THSD4: variants seen among roughly 807,000 people sequenced by gnomAD.
The protein encoded by THSD4 is thrombospondin type 1 domain containing 4.
Under a neutral mutation model 119.0 loss-of-function variants are expected in THSD4, and 69 were observed. That is an observed-to-expected ratio of 0.58 (90% CI 0.48 to 0.71). The LOEUF (loss-of-function observed/expected upper bound fraction) is 0.71, where lower values mean the gene tolerates loss of function less well. Ranked by LOEUF, THSD4 falls within the 30% of genes least tolerant of loss-of-function variation. THSD4 has a pLI of 0.00. For missense variants in THSD4, 1,393 were observed against 1,391.1 expected (o/e 1.00, Z -0.02); for synonymous variants, 524 against 540.4 (o/e 0.97, Z 0.42).
At chr15:71,633,629 C>T (rs1031947666) in intron 7 of THSD4, among the ~76,000 whole-genome samples, 1 of 152,192 alleles carries the variant, frequency 6.6e-6, no homozygotes, top group Admixed American at 6.5e-5. Context: ...ACATACAGCT[C>T]AAATGGATAT....
intron 7 of THSD4, among the ~76,000 whole-genome samples, chr15:71,653,520 G>A (rs529955892): frequency 6.6e-6 from 1 of 152,296 alleles, no homozygotes; most frequent in South Asian, 2.1e-4. Flanking sequence ...TAGAAGCCAA[G>A]GATGCTGCTA....
chr15:71,480,592 A>G (rs4522372), intron 7 of THSD4, among the ~76,000 whole-genome samples: 141,355 of 152,286 alleles, frequency 0.93, 66,377 homozygotes, highest in East Asian at 1. Flanking sequence ...GTATTGGTAC[A>G]TAATGAGGTG....
intron 10 of THSD4, chr15:71,733,910 CAA>C (rs773198822): frequency 0.11 from 8,239 of 74,166 alleles, 1,039 homozygotes; most frequent in African/African-American, 0.35. Context: ...ACTCTGTCTC[CAA>C]AAAAAAAAAA....
At chr15:71,265,650 T>A (rs944830567) in intron 6 of THSD4, among the ~76,000 whole-genome samples, 1 of 152,014 alleles carries the variant, frequency 6.6e-6, no homozygotes, top group Middle Eastern at 3.5e-3. Flanking sequence ...GGGAGCCAAG[T>A]GGTCTAGCTC....
At chr15:71,265,570 G>T (rs184702475) in intron 6 of THSD4, among the ~76,000 whole-genome samples, 2 of 151,618 alleles carry the variant, frequency 1.3e-5, no homozygotes, top group African/African-American at 2.4e-5. Flanking sequence ...TTTTTTTTTC[G>T]TACCCCAGTG....
At chr15:71,573,830 T>G (rs965182062) in intron 7 of THSD4, among the ~76,000 whole-genome samples, 25 of 152,208 alleles carry the variant, frequency 1.6e-4, no homozygotes, top group Admixed American at 1.5e-3. Flanking sequence ...TTTAGTAACT[T>G]AATACTAATT....
At chr15:71,228,342 G>A (rs2044034704) in intron 4 of THSD4, among the ~76,000 whole-genome samples, 1 of 152,100 alleles carries the variant, frequency 6.6e-6, no homozygotes, top group African/African-American at 2.4e-5. Flanking sequence ...GCTGGAAGAG[G>A]CCAGGAAACA....
chr15:71,401,799 A>G (rs114889288), intron 6 of THSD4, among the ~76,000 whole-genome samples: 2,333 of 152,326 alleles, frequency 0.015, 72 homozygotes, highest in African/African-American at 0.053. Flanking sequence ...AGACATATGC[A>G]CACATATGCT....
intron 6 of THSD4, among the ~76,000 whole-genome samples, chr15:71,260,379 T>C (rs538848852): frequency 1.8e-4 from 28 of 152,294 alleles, no homozygotes; most frequent in African/African-American, 6.7e-4. Context: ...ACCCACTTAA[T>C]TCCATTAGTT....
At chr15:71,400,165 A>C (rs1441720816) in intron 6 of THSD4, among the ~76,000 whole-genome samples, 2 of 152,322 alleles carry the variant, frequency 1.3e-5, no homozygotes, top group East Asian at 3.9e-4. Context: ...GCCCTTTAAA[A>C]TATGTTCAGT....
At chr15:71,324,945 C>T (rs1250890643) in intron 6 of THSD4, among the ~76,000 whole-genome samples, 1 of 152,280 alleles carries the variant, frequency 6.6e-6, no homozygotes, top group Non-Finnish European at 1.5e-5. Context: ...TAAGTGTTCC[C>T]TTTTCACCAC....
At chr15:71,444,543 A>C (rs904407399) in intron 7 of THSD4, among the ~76,000 whole-genome samples, 8 of 152,146 alleles carry the variant, frequency 5.3e-5, no homozygotes, top group Non-Finnish European at 1.2e-4. Context: ...ACTGCTTTCC[A>C]TTTCTACCCA....
intron 8 of THSD4, among the ~76,000 whole-genome samples, chr15:71,686,231 G>A (rs1236200215): frequency 6.6e-6 from 1 of 152,174 alleles, no homozygotes; most frequent in Non-Finnish European, 1.5e-5. Flanking sequence ...CCCATGATGT[G>A]TAAGTTGGAT....
At chr15:71,401,695 G>T (rs181424985) in intron 6 of THSD4, among the ~76,000 whole-genome samples, 1 of 152,164 alleles carries the variant, frequency 6.6e-6, no homozygotes, top group African/African-American at 2.4e-5. Context: ...ACAGTGTGGC[G>T]ATTCCTCAAG....
intron 11 of THSD4, among the ~76,000 whole-genome samples, chr15:71,738,600 G>A (rs181283820): frequency 4.8e-4 from 73 of 152,306 alleles, no homozygotes; most frequent in Non-Finnish European, 1.8e-4. Context: ...GAGATGCCAG[G>A]CGCCAGCTTC....
At chr15:71,633,497 A>G (rs1361037364) in intron 7 of THSD4, among the ~76,000 whole-genome samples, 1 of 152,054 alleles carries the variant, frequency 6.6e-6, no homozygotes, top group African/African-American at 2.4e-5. Context: ...CTGGTCTCGA[A>G]CTTCTGGGCT....
intron 17 of THSD4, among the ~76,000 whole-genome samples, chr15:71,772,834 T>G (rs968368460): frequency 1.3e-5 from 2 of 152,072 alleles, no homozygotes; most frequent in African/African-American, 4.8e-5. Context: ...ACACTGAAGA[T>G]CCCTTTAAAA....
chr15:71,427,826 A>C (rs1351001766), intron 7 of THSD4, among the ~76,000 whole-genome samples: 2 of 151,926 alleles, frequency 1.3e-5, no homozygotes, highest in East Asian at 3.9e-4. Flanking sequence ...TGGATAATAT[A>C]GTGGGTCAAG....
intron 6 of THSD4, among the ~76,000 whole-genome samples, chr15:71,316,696 G>A (rs1370681933): frequency 6.6e-6 from 1 of 152,126 alleles, no homozygotes; most frequent in East Asian, 1.9e-4. Context: ...CAGCTGACCA[G>A]AGTGGGGCTC....
Sources: allele counts gnomAD v4.1 joint callset (sites outside exome capture counted in the v4.1 genomes callset), GRCh38; gene constraint gnomAD v4.1.1; transcripts MANE v1.5; gene names NCBI Gene and HGNC (gene_info 2026-07-23, HGNC 2026-07-21).